Variants in TNFRSF1A observed in about 807,000 individuals in gnomAD.
TNFRSF1A encodes TNF receptor superfamily member 1A, also known as tumor necrosis factor receptor superfamily member 1A.
In TNFRSF1A, 9 loss-of-function variants were observed where a neutral mutation model predicts 41.6. The ratio of observed to expected loss-of-function variants is 0.22; its 90% CI spans 0.13 to 0.38. TNFRSF1A has a LOEUF of 0.38. Ranked by LOEUF, TNFRSF1A falls within the 10% of genes least tolerant of loss-of-function variation. TNFRSF1A has a pLI of 1.00. For synonymous variants in TNFRSF1A, 254 were observed against 248.6 expected (o/e 1.02, Z -0.21); for missense variants, 463 against 591.5 (o/e 0.78, Z 2.25).
At chr12:6,331,697 T>C (rs1948051702) in intron 5 of TNFRSF1A, 1 of 169,578 alleles carries the variant, frequency 5.9e-6, no homozygotes, top group Admixed American at 5.7e-5. Context: ...TAGAATGGTA[T>C]AAAAGTGATT....
Position 6,337,840 on chromosome 12 carries a change from C to T in TNFRSF1A, c.40-3596G>A, listed in dbSNP as rs762888008. Among the ~76,000 whole-genome samples, 4 of 152,152 alleles carry T rather than the reference C, an allele frequency of 2.6e-5. No individual in the cohort carries two copies. The highest frequency in any genetic ancestry group is 5.9e-5 in the Non-Finnish European group (4 of 68,032). On this transcript the variant is annotated intron_variant, in intron 1 of 9. Coordinates refer to ENST00000162749, the MANE Select transcript of TNFRSF1A (RefSeq NM_001065.4). This position sits in a 1 kb window ranked among gnomAD's most constrained non-coding sequence, Gnocchi z 4.6. ...GTCCTCTCAGCTCCCAGAACCAGAC[C>T]TCCAGACTGGGAGCAGATAAATATG...
chr12:6,333,789 G>T lies in TNFRSF1A; in HGVS notation c.270C>A (p.Thr90=). Residue 90 remains threonine (T), a synonymous_variant, in exon 3 of 10, where the codon ACC becomes ACA. Transcript: ENST00000162749. This position sits in a 1 kb window ranked among gnomAD's most constrained non-coding sequence, Gnocchi z 6.3. ...AGTGTCTGAGGTGGTTTTCTGAAGC[G>T]GTGAAGGAGCCGCTCTCACACTCCC... ...DCRECESGSF[T]ASENHLRHCL... 6.3e-7 allele frequency: 1 copy of T among 1,582,696 alleles called. No homozygotes were observed. Among genetic ancestry groups the T allele is most frequent in the Admixed American group, 1.8e-5 (1 of 54,798 alleles).
In TNFRSF1A at chr12:6,333,707, C is replaced by A; in HGVS notation, c.322+30G>T. ...AGGCACCCACACACCACTCAAGACC[C>A]GCCTGACTCTCCTGCCTGTGCACAC... On this transcript the variant is annotated intron_variant, in intron 3 of 9. Transcript: ENST00000162749. The surrounding 1 kb of genome is among the most constrained non-coding windows in gnomAD (Gnocchi z 6.3). The A allele has an allele frequency of 6.4e-7, 1 of 1,562,806 alleles. No individual in the cohort carries two copies. Among genetic ancestry groups the A allele is most frequent in the East Asian group, 2.4e-5 (1 of 42,020 alleles).
In TNFRSF1A at chr12:6,337,027, C is replaced by T. The variant is rs1182512381; in HGVS notation, c.40-2783G>A. Among the ~76,000 whole-genome samples, 1 of 152,254 alleles carries T rather than the reference C, an allele frequency of 6.6e-6. No individual in the cohort carries two copies. The highest frequency in any genetic ancestry group is 1.5e-5 in the Non-Finnish European group (1 of 68,040). Reference sequence around the variant, plus strand: ...AAGCCTCCAGAGCCCTGAACACCCACTTCCAGGAACGAGGGAGCAGGCAAG... The same window carrying T: ...AAGCCTCCAGAGCCCTGAACACCCATTTCCAGGAACGAGGGAGCAGGCAAG... On this transcript the variant is annotated intron_variant, in intron 1 of 9. Coordinates refer to ENST00000162749, the MANE Select transcript of TNFRSF1A (RefSeq NM_001065.4). This position sits in a 1 kb window ranked among gnomAD's most constrained non-coding sequence, Gnocchi z 4.6.
chr12:6,329,169 G>T lies in TNFRSF1A; in HGVS notation c.*143C>A. 1 of 781,602 alleles carries T rather than the reference G, an allele frequency of 1.3e-6. No individual in the cohort carries two copies. The highest frequency in any genetic ancestry group is 1.9e-6 in the Non-Finnish European group (1 of 537,642). The allele number at this position is 781,602 out of a possible 1,614,324, so 48.4% of individuals were successfully genotyped here. On this transcript the variant is annotated 3_prime_UTR_variant, in exon 10 of 10. Transcript: ENST00000162749. ...GGCGGCGCGCAGGCAGCTGAGAAAA[G>T]CTATGTACATCGAGGGGTTAGCACC...
intron 6 of TNFRSF1A, 41 bp from the exon 7 acceptor site, chr12:6,330,752 G>C: frequency 1.3e-6 from 2 of 1,580,456 alleles, no homozygotes; most frequent in East Asian, 2.2e-5. Context: ...GCGGGCAGAG[G>C]GGGGCCGCAG....
At chr12:6,340,137 T>G (rs2136832361) in intron 1 of TNFRSF1A, among the ~76,000 whole-genome samples, 1 of 152,284 alleles carries the variant, frequency 6.6e-6, no homozygotes, top group African/African-American at 2.4e-5. Flanking sequence ...TGCTTTCTAT[T>G]TGCTACAACC....
At chr12:6,335,385 C>T (rs1282820025) in intron 1 of TNFRSF1A, among the ~76,000 whole-genome samples, 3 of 152,152 alleles carry the variant, frequency 2.0e-5, no homozygotes, top group African/African-American at 7.2e-5. Flanking sequence ...GCTTGGATGA[C>T]TGTCAGGTCA....
intron 9 of TNFRSF1A, 68 bp downstream of exon 9, chr12:6,329,710 G>A (rs1006129095): frequency 2.6e-6 from 4 of 1,542,568 alleles, no homozygotes; most frequent in South Asian, 1.2e-5. Context: ...GGTCCCCTCT[G>A]GGAGCGCCTC....
Position 6,341,408 on chromosome 12 carries a change from G to C in TNFRSF1A, c.39+368C>G, listed in dbSNP as rs541621975. Among the ~76,000 whole-genome samples the C allele has an allele frequency of 6.6e-6, 1 of 152,132 alleles. No individual in the cohort carries two copies. Among genetic ancestry groups the C allele is most frequent in the Non-Finnish European group, 1.5e-5 (1 of 68,026 alleles). On this transcript the variant is annotated intron_variant, in intron 1 of 9. Coordinates refer to ENST00000162749, the MANE Select transcript of TNFRSF1A (RefSeq NM_001065.4). This position sits in a 1 kb window ranked among gnomAD's most constrained non-coding sequence, Gnocchi z 4.6. ...GAATTCAGAACCGTCTGGACTCCCC[G>C]AGCACTAATCTTCCTACTCCCACTC... is the stretch of plus-strand genomic sequence containing the variant.
Position 6,330,039 on chromosome 12 carries a change from G to T in TNFRSF1A, c.796C>A (p.Pro266Thr), listed in dbSNP as rs372067035. ...EGELEGTTTK[P>T]LAPNPSFSPT... ...CTGAAGCTTGGGTTTGGGGCCAGGG[G>T]CTTAGTAGTAGTTCCTTCAAGCTCC... Residue 266 changes from proline (P) to threonine (T), a missense_variant, in exon 9 of 10, where the codon CCC becomes ACC. Pro to Thr is a conservative substitution (Grantham distance 38). Transcript: ENST00000162749. 1.9e-5 allele frequency: 31 copies of T among 1,612,884 alleles called. No homozygotes were observed. Among genetic ancestry groups the T allele is most frequent in the Non-Finnish European group, 2.5e-5 (30 of 1,179,920 alleles).
In TNFRSF1A at chr12:6,341,956, A is replaced by C. The variant is rs537690391; in HGVS notation, c.-142T>G. ...CAGTTGAGGGTTGAGACTCGGGCAT[A>C]GAGATCACGGCCTGGTCCCAGTGAT... On this transcript the variant is annotated 5_prime_UTR_variant, in exon 1 of 10. Coordinates refer to ENST00000162749, the MANE Select transcript of TNFRSF1A (RefSeq NM_001065.4). The surrounding 1 kb of genome is among the most constrained non-coding windows in gnomAD (Gnocchi z 4.6). 3 of 819,540 alleles carry C rather than the reference A, an allele frequency of 3.7e-6. No homozygotes were observed. The highest frequency in any genetic ancestry group is 4.4e-4 in the Middle Eastern group (2 of 4,562). The allele number at this position is 819,540 out of a possible 1,614,324, so 50.8% of individuals were successfully genotyped here. A position where few individuals can be genotyped will look rare whatever the true frequency, so the allele number is the denominator to read the frequency against.
At position 6,333,054 on chromosome 12, in the gene TNFRSF1A, C is replaced by G. The variant is rs747622352; in HGVS notation, c.551+15G>C. ...TGCCACCATCCAGTGCCCAGCAGCT[C>G]TCAGAGATACTCACTTACTACAGGA... On this transcript the variant is annotated intron_variant, in intron 5 of 9. Coordinates refer to ENST00000162749, the MANE Select transcript of TNFRSF1A (RefSeq NM_001065.4). The surrounding 1 kb of genome is among the most constrained non-coding windows in gnomAD (Gnocchi z 6.3). 1.2e-6 allele frequency: 2 copies of G among 1,612,964 alleles called. No individual in the cohort carries two copies. The highest frequency in any genetic ancestry group is 4.5e-5 in the East Asian group (2 of 44,882).
Position 6,334,302 on chromosome 12 carries a change from G to A in TNFRSF1A, c.40-58C>T. On this transcript the variant is annotated intron_variant, in intron 1 of 9. Coordinates refer to ENST00000162749, the MANE Select transcript of TNFRSF1A (RefSeq NM_001065.4). The surrounding 1 kb of genome is among the most constrained non-coding windows in gnomAD (Gnocchi z 5.1). ...AAGAGAGGGAGGGATGGGAAGCTTA[G>A]GGGTAGCAGATCTAAAACTTCCCTG... 6.5e-7 allele frequency: 1 copy of A among 1,537,466 alleles called. No homozygotes were observed.
chr12:6,333,066 CACTT>C lies in TNFRSF1A; in HGVS notation c.550_551+2del. On this transcript the variant is annotated splice_donor_variant and coding_sequence_variant, in exon 5 of 10. Transcript: ENST00000162749. LOFTEE classifies it high-confidence loss of function. The surrounding 1 kb of genome is among the most constrained non-coding windows in gnomAD (Gnocchi z 6.3). ...GTGCCCAGCAGCTCTCAGAGATACT[CACTT>C]ACTACAGGAGACACACTCGTTTTCT... 1 of 1,613,840 alleles carries C rather than the reference CACTT, an allele frequency of 6.2e-7. No individual in the cohort carries two copies. Among genetic ancestry groups the C allele is most frequent in the Non-Finnish European group, 8.5e-7 (1 of 1,179,760 alleles).
chr12:6,333,534 TG>T lies in TNFRSF1A; in HGVS notation c.323-19del. On this transcript the variant is annotated intron_variant, in intron 3 of 9. Transcript: ENST00000162749. This position sits in a 1 kb window ranked among gnomAD's most constrained non-coding sequence, Gnocchi z 6.3. ...ACCCATTTCTGGTGAGGGGAGAAGA[TG>T]GGGTATGAGTCCTGCATCCTCCTGT... 6.2e-7 allele frequency: 1 copy of T among 1,614,096 alleles called. No individual in the cohort carries two copies. Among genetic ancestry groups the T allele is most frequent in the Non-Finnish European group, 8.5e-7 (1 of 1,180,004 alleles).
At chr12:6,332,000 CA>C (rs750532640) in intron 5 of TNFRSF1A, 4,108 of 78,472 alleles carry the variant, frequency 0.052, no homozygotes, top group Middle Eastern at 0.12. Flanking sequence ...GACTCTGTGT[CA>C]AAAAAAAAAA....
At chr12:6,336,592 G>A (rs4149631) in intron 1 of TNFRSF1A, among the ~76,000 whole-genome samples, 17 of 152,204 alleles carry the variant, frequency 1.1e-4, no homozygotes, top group African/African-American at 4.1e-4. Context: ...ACATGTTCCG[G>A]GAAATGCCTC....
intron 1 of TNFRSF1A, among the ~76,000 whole-genome samples, chr12:6,336,339 G>A (rs557239269): frequency 3.0e-4 from 45 of 152,204 alleles, no homozygotes; most frequent in African/African-American, 1.1e-3. Context: ...CAGCAACTCC[G>A]CCCCAGTGAC....
Sources: gnomAD v4.1 joint callset for allele counts (sites outside exome capture counted in the v4.1 genomes callset) on GRCh38, gnomAD v4.1.1 for gene constraint, Gnocchi (gnomAD v3.1) non-coding constraint, MANE v1.5 for transcripts, NCBI Gene and HGNC (gene_info 2026-07-23, HGNC 2026-07-21) for gene names.